The following CYP7B1 variants were observed in gnomAD, a reference collection of about 807,000 sequenced individuals.
CYP7B1 encodes cytochrome P450 family 7 subfamily B member 1, also known as cytochrome P450 7B1.
In CYP7B1, 29 loss-of-function variants were observed where a neutral mutation model predicts 42.7. That is an observed-to-expected ratio of 0.68 (90% confidence interval 0.51 to 0.93). CYP7B1 has a LOEUF of 0.93. Among genes scored for constraint, CYP7B1 ranks in the 40% least tolerant of loss-of-function variants. The pLI is 0.00. For synonymous variants in CYP7B1, 235 were observed against 218.2 expected (o/e 1.08, Z -0.68); for missense variants, 655 against 600.5 (o/e 1.09, Z -0.95).
At chr8:64,776,159 C>T (rs1804324159) in intron 1 of CYP7B1, among the ~76,000 whole-genome samples, 1 of 152,114 alleles carries the variant, frequency 6.6e-6, no homozygotes, top group Non-Finnish European at 1.5e-5. Flanking sequence ...TGCTTACTGC[C>T]ATTGATGCTT....
chr8:64,680,033 T>C (rs186947092), intron 1 of CYP7B1, among the ~76,000 whole-genome samples: 1 of 152,188 alleles, frequency 6.6e-6, no homozygotes, highest in Admixed American at 6.5e-5. Context: ...AATTGAAACT[T>C]TGTACCCTTT....
intron 1 of CYP7B1, among the ~76,000 whole-genome samples, chr8:64,711,228 CAG>C (rs150232944): frequency 1.3e-5 from 2 of 152,330 alleles, no homozygotes; most frequent in Non-Finnish European, 2.9e-5. Flanking sequence ...CAGCTCAGCA[CAG>C]AGAGATCTGT....
At position 64,616,174 on chromosome 8, in the gene CYP7B1, A is replaced by G. The variant is rs1221389269; in HGVS notation, c.367T>C (p.Phe123Leu). 6.2e-7 allele frequency: 1 copy of G among 1,612,884 alleles called. No homozygotes were observed. The highest frequency in any genetic ancestry group is 8.5e-7 in the Non-Finnish European group (1 of 1,179,306). Residue 123 changes from phenylalanine (F) to leucine (L), a missense_variant, in exon 3 of 6, where the codon TTT becomes CTT. Physicochemically the swap from Phe to Leu is conservative, Grantham distance 22. Coordinates refer to ENST00000310193, the MANE Select transcript of CYP7B1 (RefSeq NM_004820.5). Reference protein sequence around the residue: ...VFSNKLLEKAFSISQLQKNHD... With the variant: ...VFSNKLLEKALSISQLQKNHD... ...TTTTTTTGCAACTGACTGATGCTAA[A>G]TGCTTTCTCTAATAATTTATTAGAA... is the stretch of plus-strand genomic sequence containing the variant.
At chr8:64,622,544 G>A (rs973798656) in intron 2 of CYP7B1, among the ~76,000 whole-genome samples, 16 of 152,228 alleles carry the variant, frequency 1.1e-4, no homozygotes, top group African/African-American at 3.6e-4. Context: ...TCTGGTTATA[G>A]TTAGGAGGGC....
Position 64,624,401 on chromosome 8 carries a change from A to G in CYP7B1, c.259+2T>C, listed in dbSNP as rs751713917. The G allele has an allele frequency of 1.2e-6, 2 of 1,613,668 alleles. No individual in the cohort carries two copies. Among genetic ancestry groups the G allele is most frequent in the East Asian group, 4.5e-5 (2 of 44,836 alleles). On this transcript the variant is annotated splice_donor_variant, in intron 2 of 5. Coordinates refer to ENST00000310193, the MANE Select transcript of CYP7B1 (RefSeq NM_004820.5). LOFTEE classifies it high-confidence loss of function. Reference sequence around the variant, plus strand: ...TAAGGTATTAATAGAAGTGCTTCTTACCACCAAGAAGAACTGTGAAAGTGT... The same window carrying G: ...TAAGGTATTAATAGAAGTGCTTCTTGCCACCAAGAAGAACTGTGAAAGTGT...
chr8:64,734,058 T>C (rs1176215875), intron 1 of CYP7B1, among the ~76,000 whole-genome samples: 1 of 152,186 alleles, frequency 6.6e-6, no homozygotes, highest in African/African-American at 2.4e-5. Context: ...CATCCCACTA[T>C]ACATTCTGTT....
intron 1 of CYP7B1, among the ~76,000 whole-genome samples, chr8:64,756,101 G>T (rs770978472): frequency 3.3e-5 from 5 of 152,174 alleles, no homozygotes; most frequent in Non-Finnish European, 7.3e-5. Flanking sequence ...GAAGTGTCTA[G>T]CTTCCATGGT....
intron 1 of CYP7B1, among the ~76,000 whole-genome samples, chr8:64,695,974 A>T (rs1325164709): frequency 1.3e-5 from 2 of 152,236 alleles, no homozygotes; most frequent in East Asian, 3.8e-4. Flanking sequence ...AAATTATCTA[A>T]ATGTATATGA....
At chr8:64,680,410 C>G (rs1347955010) in intron 1 of CYP7B1, among the ~76,000 whole-genome samples, 3 of 152,124 alleles carry the variant, frequency 2.0e-5, no homozygotes, top group Non-Finnish European at 4.4e-5. Flanking sequence ...GAAAACGCAA[C>G]AGTCCCTACC....
At chr8:64,686,036 G>A (rs1188074640) in intron 1 of CYP7B1, among the ~76,000 whole-genome samples, 8 of 103,632 alleles carry the variant, frequency 7.7e-5, no homozygotes, top group African/African-American at 2.3e-4. Flanking sequence ...CAGCCACCCC[G>A]TCCGGGAGGG....
chr8:64,759,139 T>C (rs1436359289), intron 1 of CYP7B1, among the ~76,000 whole-genome samples: 2 of 152,240 alleles, frequency 1.3e-5, no homozygotes, highest in African/African-American at 2.4e-5. Flanking sequence ...GAACTAGCTA[T>C]AGAAATCTGA....
At chr8:64,795,222 G>A (rs117845054) in intron 1 of CYP7B1, among the ~76,000 whole-genome samples, 1,545 of 152,216 alleles carry the variant, frequency 0.01, 13 homozygotes, top group South Asian at 0.028. Context: ...TAAGTTATAC[G>A]CAAAAAAGGA....
intron 2 of CYP7B1, among the ~76,000 whole-genome samples, chr8:64,620,100 C>G (rs1386605092): frequency 6.6e-6 from 1 of 152,024 alleles, no homozygotes; most frequent in Admixed American, 6.6e-5. Context: ...GTGGGATGAT[C>G]ACTTGAACTC....
intron 1 of CYP7B1, among the ~76,000 whole-genome samples, chr8:64,635,941 T>C (rs747854044): frequency 2.0e-5 from 3 of 152,208 alleles, no homozygotes; most frequent in Non-Finnish European, 4.4e-5. Context: ...TTTGTATCTA[T>C]GTAAGATTTC....
intron 1 of CYP7B1, among the ~76,000 whole-genome samples, chr8:64,783,682 C>T (rs1285623494): frequency 1.3e-5 from 2 of 152,078 alleles, no homozygotes; most frequent in African/African-American, 4.8e-5. Flanking sequence ...TGAGCTTTAC[C>T]TCATGTCCTC....
At chr8:64,668,976 G>A (rs1806324336) in intron 1 of CYP7B1, among the ~76,000 whole-genome samples, 1 of 152,110 alleles carries the variant, frequency 6.6e-6, no homozygotes, top group Non-Finnish European at 1.5e-5. Context: ...TTTCTTACCA[G>A]AGACAGACAG....
rs1316793003 is a variant in CYP7B1 at position 64,594,797 on chromosome 8, TG to T, written c.*1844del. ...GAGTGTAAGTTAGAGATACAAAGTG[TG>T]GTGAGAAAAGATCAAAGGATGTATG... is the stretch of plus-strand genomic sequence containing the variant. On this transcript the variant is annotated 3_prime_UTR_variant, in exon 6 of 6. Transcript: ENST00000310193. Among the ~76,000 whole-genome samples, 1 of 152,066 alleles carries T rather than the reference TG, an allele frequency of 6.6e-6. No homozygotes were observed. Among genetic ancestry groups the T allele is most frequent in the Non-Finnish European group, 1.5e-5 (1 of 68,006 alleles).
At chr8:64,775,900 T>C (rs1479058917) in intron 1 of CYP7B1, among the ~76,000 whole-genome samples, 1 of 152,158 alleles carries the variant, frequency 6.6e-6, no homozygotes, top group African/African-American at 2.4e-5. Context: ...AATCATATCA[T>C]TCCCAAATGA....
At chr8:64,779,160 A>C (rs551147435) in intron 1 of CYP7B1, among the ~76,000 whole-genome samples, 1 of 152,222 alleles carries the variant, frequency 6.6e-6, no homozygotes, top group Non-Finnish European at 1.5e-5. Flanking sequence ...ACATTGTTTT[A>C]AGAGAGATTT....
Sources: allele counts gnomAD v4.1 joint callset (sites outside exome capture counted in the v4.1 genomes callset), GRCh38; gene constraint gnomAD v4.1.1; transcripts MANE v1.5; gene names NCBI Gene and HGNC (gene_info 2026-07-23, HGNC 2026-07-21).